Variants in SHROOM3 observed in about 807,000 individuals in gnomAD.
SHROOM3 encodes protein Shroom3.
A neutral mutation model predicts 138.6 loss-of-function variants in SHROOM3; 47 were observed. The ratio of observed to expected loss-of-function variants is 0.34; its 90% CI spans 0.27 to 0.43. The LOEUF is 0.43. Ranked by LOEUF, SHROOM3 falls within the 20% of genes least tolerant of loss-of-function variation. The probability of loss-of-function intolerance (pLI) is 1.00; values close to 1 mark genes in which losing one functional copy is unlikely to be tolerated. For missense variants in SHROOM3, 2,491 were observed against 2,596.5 expected (o/e 0.96, Z 0.88); for synonymous variants, 1,062 against 1,063.3 (o/e 1.00, Z 0.02).
chr4:76,561,263 T>C (rs1383424681), intron 2 of SHROOM3, among the ~76,000 whole-genome samples: 1 of 152,224 alleles, frequency 6.6e-6, no homozygotes, highest in East Asian at 1.9e-4. Flanking sequence ...TTTGGCTGAA[T>C]ATACGTGTTT....
chr4:76,562,020 A>T (rs1380624667), intron 2 of SHROOM3, among the ~76,000 whole-genome samples: 1 of 152,164 alleles, frequency 6.6e-6, no homozygotes, highest in Non-Finnish European at 1.5e-5. Context: ...TCAAAAAACA[A>T]AACAAAAAAA....
intron 1 of SHROOM3, among the ~76,000 whole-genome samples, chr4:76,437,834 T>G (rs10023335): frequency 6.6e-6 from 1 of 152,008 alleles, no homozygotes; most frequent in Non-Finnish European, 1.5e-5. Context: ...ATTTAAAAAG[T>G]CTAGTTGTAC....
In SHROOM3 at chr4:76,468,894, C is replaced by T. The variant is rs192338440; in HGVS notation, c.168+32674C>T. 7.1e-3 allele frequency among the ~76,000 whole-genome samples: 1,080 copies of T among 151,962 alleles called. 8 individuals carry two copies. The highest frequency in any genetic ancestry group is 0.025 in the African/African-American group (1,026 of 41,454). On this transcript the variant is annotated intron_variant, in intron 1 of 10. Transcript: ENST00000296043. ...AAAATACAAAAAAAAATTAGCCAGG[C>T]GTGGTGGCAGGCGACTGTAGTCCCA...
chr4:76,635,479 G>C (rs1235613541), intron 2 of SHROOM3, among the ~76,000 whole-genome samples: 3 of 152,150 alleles, frequency 2.0e-5, no homozygotes, highest in Admixed American at 2.0e-4. Flanking sequence ...CCTAATGGTT[G>C]GGGTATTTAT....
At chr4:76,437,928 C>T (rs1730593129) in intron 1 of SHROOM3, among the ~76,000 whole-genome samples, 1 of 152,128 alleles carries the variant, frequency 6.6e-6, no homozygotes, top group African/African-American at 2.4e-5. Flanking sequence ...AAGGTCTAAT[C>T]CTCCCACTAA....
At chr4:76,549,873 TCTACA>T (rs1438074953) in intron 1 of SHROOM3, among the ~76,000 whole-genome samples, 3 of 151,894 alleles carry the variant, frequency 2.0e-5, no homozygotes, top group Non-Finnish European at 4.4e-5. Context: ...AGACTAAGAG[TCTACA>T]CTTGGCCCCC....
At chr4:76,736,736 G>A (rs771679947) in intron 4 of SHROOM3, among the ~76,000 whole-genome samples, 18 of 152,034 alleles carry the variant, frequency 1.2e-4, no homozygotes, top group Non-Finnish European at 2.1e-4. Flanking sequence ...TGCCCTCCCC[G>A]TGTGTGTATA....
In SHROOM3 at chr4:76,741,438, T is replaced by G; in HGVS notation, c.3265T>G (p.Tyr1089Asp). 6.3e-7 allele frequency: 1 copy of G among 1,588,348 alleles called. No homozygotes were observed. The highest frequency in any genetic ancestry group is 1.3e-5 in the African/African-American group (1 of 74,592). The change falls in exon 5 of 11, where the codon TAC (tyrosine) becomes GAC (aspartate). Residue 1089 changes from tyrosine to aspartate, a missense_variant. This residue lies in a region of SHROOM3 where 1,733 missense variants were observed against 1,661.6 expected (regional missense o/e 1.04). Transcript: ENST00000296043. The surrounding 1 kb of genome is among the most constrained non-coding windows in gnomAD (Gnocchi z 6.2). ...GTTCCAGCAGAGCGCCCTGGCGGACTACATCCAGCGCAAGACCGGCAAGCG... is the reference window on the plus strand; with the variant it reads ...GTTCCAGCAGAGCGCCCTGGCGGACGACATCCAGCGCAAGACCGGCAAGCG... ...KQFQQSALADYIQRKTGKRPT... is the reference protein window; with the variant it reads ...KQFQQSALADDIQRKTGKRPT...
intron 1 of SHROOM3, 82 bp downstream of exon 1, chr4:76,436,302 G>T (rs1315011728): frequency 6.1e-6 from 9 of 1,476,630 alleles, no homozygotes; most frequent in Non-Finnish European, 8.5e-6. Flanking sequence ...AAAATAATGA[G>T]AACTGCCTTA....
At chr4:76,723,132 C>T (rs1720598650) in intron 3 of SHROOM3, among the ~76,000 whole-genome samples, 2 of 152,090 alleles carry the variant, frequency 1.3e-5, no homozygotes, top group Non-Finnish European at 2.9e-5. Flanking sequence ...GTCACTTTCT[C>T]CATTTATCCA....
rs1182073101 is a variant in SHROOM3, at chr4:76,781,950, C to T, written c.*2773C>T. 6.6e-6 allele frequency: 1 copy of T among 152,184 alleles called. No homozygotes were observed. The highest frequency in any genetic ancestry group is 1.9e-4 in the East Asian group (1 of 5,192). 9.4% of individuals were successfully genotyped at this position (152,184 alleles called of 1,614,324 possible). A position where few individuals can be genotyped will look rare whatever the true frequency, so the allele number is the denominator to read the frequency against. ...TGGATGTGATAATTTTGGAGATACA[C>T]TTCTGGTCAGAACTCAGGTGAGATA... On this transcript the variant is annotated 3_prime_UTR_variant, in exon 11 of 11. Coordinates refer to ENST00000296043, the MANE Select transcript of SHROOM3 (RefSeq NM_020859.4).
intron 2 of SHROOM3, among the ~76,000 whole-genome samples, chr4:76,577,372 T>C (rs1445355347): frequency 6.6e-6 from 1 of 152,192 alleles, no homozygotes; most frequent in Admixed American, 6.5e-5. Flanking sequence ...TTGTCAGCAG[T>C]ACATTGGTTA....
At chr4:76,599,043 G>A (rs565693712) in intron 2 of SHROOM3, among the ~76,000 whole-genome samples, 1 of 152,136 alleles carries the variant, frequency 6.6e-6, no homozygotes, top group Non-Finnish European at 1.5e-5. Context: ...GGTAGACTTG[G>A]TGACGGGCTG....
chr4:76,731,106 G>A (rs758104592), intron 4 of SHROOM3, among the ~76,000 whole-genome samples, 171 bp downstream of exon 4: 8 of 152,098 alleles, frequency 5.3e-5, no homozygotes, highest in Admixed American at 1.3e-4. Flanking sequence ...GTGTATATGA[G>A]TTACCTTTAT....
At chr4:76,539,788 C>T (rs1733060759) in intron 1 of SHROOM3, among the ~76,000 whole-genome samples, 1 of 152,148 alleles carries the variant, frequency 6.6e-6, no homozygotes. Flanking sequence ...TAATGTAAGA[C>T]AAGTAAACAA....
chr4:76,442,732 A>G lies in SHROOM3; in HGVS notation c.168+6512A>G, dbSNP rs115050431. 6.3e-3 allele frequency among the ~76,000 whole-genome samples: 958 copies of G among 151,936 alleles called. 13 individuals carry two copies. The highest frequency in any genetic ancestry group is 0.022 in the African/African-American group (918 of 41,434). On this transcript the variant is annotated intron_variant, in intron 1 of 10. Transcript: ENST00000296043. Reference sequence around the variant, plus strand: ...CCCCACCCTTTATACTTTTCTATGAATCCTAGCTCCCCTGTTAGACTGTTA... The same window carrying G: ...CCCCACCCTTTATACTTTTCTATGAGTCCTAGCTCCCCTGTTAGACTGTTA...
chr4:76,701,430 C>T (rs527749792), intron 2 of SHROOM3, among the ~76,000 whole-genome samples: 1 of 152,138 alleles, frequency 6.6e-6, no homozygotes, highest in East Asian at 1.9e-4. Context: ...GAAGTCCTGA[C>T]CTTGAGCGAA....
At chr4:76,723,266 A>G (rs1303314651) in intron 3 of SHROOM3, among the ~76,000 whole-genome samples, 5 of 152,108 alleles carry the variant, frequency 3.3e-5, no homozygotes, top group Non-Finnish European at 7.4e-5. Flanking sequence ...CGGTGGCCCA[A>G]TATGATCTGA....
intron 8 of SHROOM3, chr4:76,757,176 C>T (rs1279036365): frequency 1.5e-4 from 77 of 528,760 alleles, no homozygotes; most frequent in South Asian, 1.2e-4. Context: ...CCATTGTTAA[C>T]GTTGTGTGTC....
Sources: allele counts gnomAD v4.1 joint callset (sites outside exome capture counted in the v4.1 genomes callset), GRCh38; gene constraint gnomAD v4.1.1; regional missense constraint gnomAD v4.1.1; non-coding constraint Gnocchi (gnomAD v3.1); transcripts MANE v1.5; gene names NCBI Gene and HGNC (gene_info 2026-07-23, HGNC 2026-07-21).